The following CD86 variants were observed in gnomAD, a reference collection of about 807,000 sequenced individuals.
CD86 encodes T-lymphocyte activation antigen CD86.
CD86 carries 11 observed loss-of-function variants against 32.1 expected under a neutral mutation model. The ratio of observed to expected loss-of-function variants is 0.34; its 90% CI spans 0.22 to 0.57. The LOEUF is 0.57. CD86 is among the 20% of genes least tolerant of loss of function. The pLI is 0.86. For synonymous variants in CD86, 137 were observed against 135.3 expected (o/e 1.01, Z -0.09); for missense variants, 359 against 398.4 (o/e 0.90, Z 0.84).
intron 1 of CD86, among the ~76,000 whole-genome samples, chr3:122,071,044 G>A (rs1031981600): frequency 3.9e-5 from 6 of 152,012 alleles, no homozygotes; most frequent in Non-Finnish European, 5.9e-5. Flanking sequence ...TACTCCCTTT[G>A]TGGAACACAA....
At chr3:122,095,123 T>C (rs2107529908) in intron 2 of CD86, among the ~76,000 whole-genome samples, 1 of 152,256 alleles carries the variant, frequency 6.6e-6, no homozygotes, top group Middle Eastern at 3.4e-3. Context: ...CACCTCTAGT[T>C]AATTTCATGT....
Position 122,103,751 on chromosome 3 carries a change from A to G in CD86, c.304A>G (p.Ile102Val), listed in dbSNP as rs751702002. 1.2e-6 allele frequency: 2 copies of G among 1,614,102 alleles called. No individual in the cohort carries two copies. The highest frequency in any genetic ancestry group is 1.3e-5 in the African/African-American group (1 of 75,050). The change falls in exon 3 of 7, where the codon ATC becomes GTC. Residue 102 changes from isoleucine to valine, a missense_variant. Ile to Val is a conservative substitution (Grantham distance 29). Transcript: ENST00000330540. ...SWTLRLHNLQ[I>V]KDKGLYQCII... Reference sequence around the variant, plus strand: ...GACCCTGAGACTTCACAATCTTCAGATCAAGGACAAGGGCTTGTATCAATG... The same window carrying G: ...GACCCTGAGACTTCACAATCTTCAGGTCAAGGACAAGGGCTTGTATCAATG...
intron 5 of CD86, among the ~76,000 whole-genome samples, chr3:122,112,002 T>G (rs1389816874): frequency 6.6e-6 from 1 of 152,204 alleles, no homozygotes; most frequent in Non-Finnish European, 1.5e-5. Context: ...GTTTCCAATC[T>G]CTCTTCTCTT....
chr3:122,064,131 C>T (rs1445873585), intron 1 of CD86, among the ~76,000 whole-genome samples: 3 of 151,956 alleles, frequency 2.0e-5, no homozygotes, highest in Non-Finnish European at 1.5e-5. Context: ...TAAACCATGC[C>T]TCTGCACCAT....
Position 122,106,306 on chromosome 3 carries a change from G to C in CD86, c.509G>C (p.Ser170Thr). ...IHGYPEPKKM[S>T]VLLRTKNSTI... ...GGTTACCCAGAACCTAAGAAGATGA[G>C]TGTTTTGCTAAGAACCAAGAATTCA... The change falls in exon 4 of 7, where the codon AGT becomes ACT. Residue 170 changes from serine to threonine, a missense_variant. Coordinates refer to ENST00000330540, the MANE Select transcript of CD86 (RefSeq NM_175862.5). 1 of 1,614,062 alleles carries C rather than the reference G, an allele frequency of 6.2e-7. No homozygotes were observed. The highest frequency in any genetic ancestry group is 8.5e-7 in the Non-Finnish European group (1 of 1,179,928).
chr3:122,098,562 T>G (rs1487133371), intron 2 of CD86, among the ~76,000 whole-genome samples: 1 of 152,094 alleles, frequency 6.6e-6, no homozygotes, highest in East Asian at 1.9e-4. Flanking sequence ...CTGGATATAT[T>G]TTTCAGTTTG....
At chr3:122,101,727 TCA>T (rs2107536350) in intron 2 of CD86, among the ~76,000 whole-genome samples, 1 of 151,982 alleles carries the variant, frequency 6.6e-6, no homozygotes, top group East Asian at 1.9e-4. Context: ...CAGTATTTCC[TCA>T]GAGACAATGC....
intron 1 of CD86, among the ~76,000 whole-genome samples, chr3:122,080,133 G>C (rs529687515): frequency 1.3e-5 from 2 of 152,186 alleles, no homozygotes; most frequent in Admixed American, 1.3e-4. Context: ...CTGTTTCTGA[G>C]AAAACAAGAA....
At chr3:122,118,144 T>C (rs745697549) in intron 6 of CD86, 51 bp downstream of exon 6, 2 of 1,482,486 alleles carry the variant, frequency 1.3e-6, no homozygotes, top group African/African-American at 2.8e-5. Flanking sequence ...ATCCCCAGAG[T>C]GCCTGTTACT....
intron 1 of CD86, among the ~76,000 whole-genome samples, chr3:122,087,056 G>T (rs1232970565): frequency 6.6e-6 from 1 of 152,200 alleles, no homozygotes; most frequent in Non-Finnish European, 1.5e-5. Context: ...ATCTCACCCT[G>T]TTGTGAGCAG....
chr3:122,119,731 C>A lies in CD86; in HGVS notation c.*197C>A, dbSNP rs1347565561. On this transcript the variant is annotated 3_prime_UTR_variant, in exon 7 of 7. Transcript: ENST00000330540. Reference sequence around the variant, plus strand: ...CGTATGCCAAGAGGAGACTTTAATTCTCTTACTGCTTCTTTTCACTTCAGA... The same window carrying A: ...CGTATGCCAAGAGGAGACTTTAATTATCTTACTGCTTCTTTTCACTTCAGA... 1 of 528,182 alleles carries A rather than the reference C, an allele frequency of 1.9e-6. No individual in the cohort carries two copies. Among genetic ancestry groups the A allele is most frequent in the African/African-American group, 1.9e-5 (1 of 51,954 alleles). The allele number at this position is 528,182 out of a possible 1,614,324, so 32.7% of individuals were successfully genotyped here.
chr3:122,084,413 C>T (rs2072683479), intron 1 of CD86, among the ~76,000 whole-genome samples: 2 of 152,214 alleles, frequency 1.3e-5, no homozygotes, highest in African/African-American at 4.8e-5. Context: ...CTGTTCAACT[C>T]TTCCATTGCA....
chr3:122,120,946 C>G lies in CD86; in HGVS notation c.*1412C>G, dbSNP rs1330370573. On this transcript the variant is annotated 3_prime_UTR_variant, in exon 7 of 7. Transcript: ENST00000330540. ...CAAACATAAAGAGAACTCTGGGGAGCCTGAGCCACAAAAATGTTCCTTTAT... is the reference window on the plus strand; with the variant it reads ...CAAACATAAAGAGAACTCTGGGGAGGCTGAGCCACAAAAATGTTCCTTTAT... 1 of 152,160 alleles carries G rather than the reference C, an allele frequency of 6.6e-6. No homozygotes were observed. The highest frequency in any genetic ancestry group is 6.5e-5 in the Admixed American group (1 of 15,278). The allele number at this position is 152,160 out of a possible 1,614,324, so 9.4% of individuals were successfully genotyped here.
chr3:122,091,176 G>A (rs935272883), intron 1 of CD86, among the ~76,000 whole-genome samples: 3 of 152,186 alleles, frequency 2.0e-5, no homozygotes, highest in Non-Finnish European at 4.4e-5. Context: ...AGTTGTGGGA[G>A]AGGTGTAAAG....
chr3:122,068,325 A>G lies in CD86; in HGVS notation c.14+12822A>G, dbSNP rs950254024. On this transcript the variant is annotated intron_variant, in intron 1 of 6. Transcript: ENST00000330540. Reference sequence around the variant, plus strand: ...TTAAAATGTGTTAGTTTTGTTATGTATTATATCCCTTCCCCTGCACACATA... The same window carrying G: ...TTAAAATGTGTTAGTTTTGTTATGTGTTATATCCCTTCCCCTGCACACATA... 3.9e-5 allele frequency among the ~76,000 whole-genome samples: 6 copies of G among 152,268 alleles called. No homozygotes were observed. The South Asian group carries it at 6.2e-4, about 16-fold the overall frequency.
chr3:122,102,077 G>A (rs575220456), intron 2 of CD86, among the ~76,000 whole-genome samples: 52 of 152,184 alleles, frequency 3.4e-4, no homozygotes, highest in Middle Eastern at 3.4e-3. Context: ...TTGATTATGT[G>A]TTCTCACTGG....
intron 2 of CD86, among the ~76,000 whole-genome samples, chr3:122,098,458 G>C (rs1177736628): frequency 1.3e-5 from 2 of 152,164 alleles, no homozygotes; most frequent in Non-Finnish European, 2.9e-5. Flanking sequence ...GCAGGGGAAA[G>C]AGGCCTGATA....
chr3:122,111,927 T>C (rs2073180191), intron 5 of CD86, among the ~76,000 whole-genome samples: 1 of 152,254 alleles, frequency 6.6e-6, no homozygotes, highest in Admixed American at 6.5e-5. Flanking sequence ...GCCTCAACTG[T>C]ATATATTTAC....
intron 1 of CD86, among the ~76,000 whole-genome samples, chr3:122,065,034 T>C (rs1258247030): frequency 6.6e-6 from 1 of 152,162 alleles, no homozygotes; most frequent in African/African-American, 2.4e-5. Context: ...TCATATATGA[T>C]CTCATTTAAT....
Sources: allele counts gnomAD v4.1 joint callset (sites outside exome capture counted in the v4.1 genomes callset), GRCh38; gene constraint gnomAD v4.1.1; transcripts MANE v1.5; gene names NCBI Gene and HGNC (gene_info 2026-07-23, HGNC 2026-07-21).